Variants in ITPK1 observed in about 807,000 individuals in gnomAD.
ITPK1 encodes inositol-tetrakisphosphate 1-kinase.
Under a neutral mutation model 45.3 loss-of-function variants are expected in ITPK1, and 21 were observed. The observed-to-expected ratio is 0.46, with a 90% CI of 0.33 to 0.67. The LOEUF (loss-of-function observed/expected upper bound fraction) is 0.67, where lower values mean the gene tolerates loss of function less well. ITPK1 is among the 30% of genes least tolerant of loss of function. ITPK1 has a pLI of 0.02. For missense variants in ITPK1, 474 were observed against 573.5 expected, an observed-to-expected ratio of 0.83 and a Z score of 1.77; for synonymous variants, 258 against 253.6, an observed-to-expected ratio of 1.02 and a Z score of -0.16.
Position 92,990,427 on chromosome 14 carries a change from T to C in ITPK1, c.364+3453A>G, listed in dbSNP as rs78861145. ...GCCCCTGTGCCCGTGCTGGATGGCC[T>C]TCCTCTGGGCTTTTACATCAGAGAG... On this transcript the variant is annotated intron_variant, in intron 5 of 10. Transcript: ENST00000267615. Among the ~76,000 whole-genome samples, 766 of 152,308 alleles carry C rather than the reference T, an allele frequency of 5.0e-3. 7 individuals carry two copies. Among genetic ancestry groups the C allele is most frequent in the African/African-American group, 0.018 (739 of 41,568 alleles).
chr14:93,038,219 G>A (rs1889400736), intron 3 of ITPK1, among the ~76,000 whole-genome samples: 1 of 152,060 alleles, frequency 6.6e-6, no homozygotes, highest in African/African-American at 2.4e-5. Context: ...ATTTTTTGTA[G>A]AGACGTGGTT....
At chr14:93,080,700 C>T (rs1034271622) in intron 2 of ITPK1, among the ~76,000 whole-genome samples, 4 of 152,182 alleles carry the variant, frequency 2.6e-5, no homozygotes, top group Non-Finnish European at 4.4e-5. Flanking sequence ...TGAACATATA[C>T]GCTACCCTCA....
intron 3 of ITPK1, among the ~76,000 whole-genome samples, chr14:93,057,198 G>A (rs115511371): frequency 0.018 from 2,732 of 152,278 alleles, 96 homozygotes; most frequent in African/African-American, 0.061. Context: ...CAGAGGCAGC[G>A]TGCAAACCCA....
chr14:93,019,396 T>C (rs1337026814), intron 3 of ITPK1, among the ~76,000 whole-genome samples: 1 of 152,132 alleles, frequency 6.6e-6, no homozygotes, highest in Non-Finnish European at 1.5e-5. Context: ...GTTTGGAAAA[T>C]AAGCTCTCCG....
chr14:93,018,582 G>A (rs1327346327), intron 3 of ITPK1, among the ~76,000 whole-genome samples: 1 of 152,176 alleles, frequency 6.6e-6, no homozygotes, highest in Non-Finnish European at 1.5e-5. Context: ...ACTAAGGAAT[G>A]CTGTTCCCTC....
intron 2 of ITPK1, among the ~76,000 whole-genome samples, chr14:93,103,860 GT>G (rs1198145713): frequency 6.6e-6 from 1 of 152,118 alleles, no homozygotes; most frequent in African/African-American, 2.4e-5. Flanking sequence ...CCACAGGAGG[GT>G]TCTCTCTGCA....
rs1350002061 is a variant in ITPK1, at chr14:92,941,921, G to C, written c.902-17C>G. The C allele has an allele frequency of 1.2e-6, 2 of 1,607,612 alleles. No homozygotes were observed. Among genetic ancestry groups the C allele is most frequent in the African/African-American group, 1.3e-5 (1 of 74,800 alleles). On this transcript the variant is annotated splice_polypyrimidine_tract_variant and intron_variant, in intron 10 of 10. Transcript: ENST00000267615. The stretch of plus-strand genomic sequence containing the variant: ...CCTCGTAGCCTGGGGGTGGGAGAGA[G>C]ACAGCACAAGGGGCGTGAGCCAGGG...
rs1347468811 is a variant in ITPK1 at position 93,016,644 on chromosome 14, C to G, written c.246+32G>C. The G allele has an allele frequency of 2.5e-6, 4 of 1,606,262 alleles. No individual in the cohort carries two copies. In the East Asian group the frequency reaches 8.9e-5, roughly 36 times the overall value. On this transcript the variant is annotated intron_variant, in intron 4 of 10. Coordinates refer to ENST00000267615, the MANE Select transcript of ITPK1 (RefSeq NM_014216.6). The surrounding 1 kb of genome is among the most constrained non-coding windows in gnomAD (Gnocchi z 5.0). The stretch of plus-strand genomic sequence containing the variant: ...GCCTCCCCTCCTCCTCCTGAAAATG[C>G]CACAGCCAAGGGCTGCATGGTCCTC...
intron 3 of ITPK1, among the ~76,000 whole-genome samples, chr14:93,030,959 G>C (rs1156966865): frequency 6.6e-6 from 1 of 152,200 alleles, no homozygotes; most frequent in Non-Finnish European, 1.5e-5. Context: ...ACATTCCCGG[G>C]AACGCCAAAG....
intron 5 of ITPK1, among the ~76,000 whole-genome samples, chr14:92,983,336 A>G (rs982325565): frequency 9.9e-5 from 15 of 152,186 alleles, no homozygotes; most frequent in African/African-American, 3.1e-4. Flanking sequence ...CTTTCAAGAC[A>G]TTTTTAAAAT....
chr14:92,975,824 T>C (rs535511552), intron 5 of ITPK1, among the ~76,000 whole-genome samples: 1 of 152,248 alleles, frequency 6.6e-6, no homozygotes, highest in Non-Finnish European at 1.5e-5. Context: ...TTTGGCTGTG[T>C]CCCCACCCAA....
intron 3 of ITPK1, among the ~76,000 whole-genome samples, chr14:93,061,352 G>A (rs1408223438): frequency 1.3e-5 from 2 of 152,116 alleles, no homozygotes; most frequent in African/African-American, 4.8e-5. Flanking sequence ...GAGGCCACCC[G>A]GGGACCACCC....
intron 2 of ITPK1, among the ~76,000 whole-genome samples, chr14:93,081,868 A>G (rs992871888): frequency 6.6e-6 from 1 of 152,186 alleles, no homozygotes; most frequent in East Asian, 1.9e-4. Context: ...GCCTTTACCT[A>G]TGGGCCAGTG....
intron 2 of ITPK1, among the ~76,000 whole-genome samples, chr14:93,108,270 A>G (rs1892603726): frequency 6.6e-6 from 1 of 152,248 alleles, no homozygotes; most frequent in South Asian, 2.1e-4. Context: ...AATGAATGCT[A>G]CTTTTTAAAA....
chr14:92,947,212 C>T (rs1887732645), intron 9 of ITPK1, among the ~76,000 whole-genome samples: 1 of 152,256 alleles, frequency 6.6e-6, no homozygotes, highest in African/African-American at 2.4e-5. Context: ...TGAACTCACA[C>T]CCTAAACAAT....
At chr14:93,097,473 G>A (rs1446535073) in intron 2 of ITPK1, among the ~76,000 whole-genome samples, 1 of 152,152 alleles carries the variant, frequency 6.6e-6, no homozygotes, top group South Asian at 2.1e-4. Context: ...CCCCTTACCA[G>A]ACTGCAAGCT....
At chr14:93,005,795 T>C (rs536884379) in intron 4 of ITPK1, among the ~76,000 whole-genome samples, 3 of 152,314 alleles carry the variant, frequency 2.0e-5, no homozygotes, top group East Asian at 3.9e-4. Flanking sequence ...CTACAGCATG[T>C]TTCTAAAACA....
Position 92,941,885 on chromosome 14 carries a change from C to A in ITPK1, c.921G>T (p.Glu307Asp). The change falls in exon 11 of 11, where the codon GAG (glutamate) becomes GAT (aspartate). Residue 307 changes from glutamate to aspartate, a missense_variant. Physicochemically the swap from Glu to Asp is conservative, Grantham distance 45. Coordinates refer to ENST00000267615, the MANE Select transcript of ITPK1 (RefSeq NM_014216.6). ...TGTGGTTCAGGAGGTCTGTGAAGAA[C>A]TCGCTCACGCCCTCGTAGCCTGGGG... ...NAFPGYEGVS[E>D]FFTDLLNHIA... 6.2e-7 allele frequency: 1 copy of A among 1,612,426 alleles called. No homozygotes were observed. The highest frequency in any genetic ancestry group is 8.5e-7 in the Non-Finnish European group (1 of 1,179,872).
At chr14:93,020,122 ACAAGGGGC>A (rs1888396033) in intron 3 of ITPK1, among the ~76,000 whole-genome samples, 1 of 152,118 alleles carries the variant, frequency 6.6e-6, no homozygotes, top group Non-Finnish European at 1.5e-5. Flanking sequence ...CTCAGAGAAA[ACAAGGGGC>A]CACTGTTTCC....
Sources: gnomAD v4.1 joint callset for allele counts (sites outside exome capture counted in the v4.1 genomes callset) on GRCh38, gnomAD v4.1.1 for gene constraint, Gnocchi (gnomAD v3.1) non-coding constraint, MANE v1.5 for transcripts, NCBI Gene and HGNC (gene_info 2026-07-23, HGNC 2026-07-21) for gene names.